Variants in RABGAP1L observed in about 807,000 individuals in gnomAD.
RABGAP1L encodes RAB GTPase activating protein 1 like.
Under a neutral mutation model 137.7 loss-of-function variants are expected in RABGAP1L, and 63 were observed. That is an observed-to-expected ratio of 0.46 (90% CI 0.37 to 0.56). The LOEUF (loss-of-function observed/expected upper bound fraction) is 0.56. Among genes scored for constraint, RABGAP1L ranks in the 20% least tolerant of loss-of-function variants. The pLI is 0.00. For synonymous variants in RABGAP1L, 431 were observed against 433.7 expected, an observed-to-expected ratio of 0.99 and a Z score of 0.08; for missense variants, 1,095 against 1,244.0, an observed-to-expected ratio of 0.88 and a Z score of 1.80.
intron 13 of RABGAP1L, among the ~76,000 whole-genome samples, chr1:174,521,894 C>T (rs1311083537): frequency 3.3e-5 from 5 of 152,050 alleles, no homozygotes; most frequent in Non-Finnish European, 7.4e-5. Flanking sequence ...GCCTGACCAA[C>T]ATAGTGAAAC....
At chr1:174,625,468 C>T (rs1672878633) in intron 13 of RABGAP1L, among the ~76,000 whole-genome samples, 1 of 152,112 alleles carries the variant, frequency 6.6e-6, no homozygotes, top group Non-Finnish European at 1.5e-5. Flanking sequence ...GGGCCTTACT[C>T]TGTTGCCCAG....
At chr1:174,777,431 A>G in intron 18 of RABGAP1L, among the ~76,000 whole-genome samples, 1 of 152,228 alleles carries the variant, frequency 6.6e-6, no homozygotes. Context: ...CCCATAGGAC[A>G]TGCTCAGTTG....
At chr1:174,350,195 C>G (rs1208653982) in intron 11 of RABGAP1L, among the ~76,000 whole-genome samples, 1 of 142,884 alleles carries the variant, frequency 7.0e-6, no homozygotes, top group African/African-American at 2.6e-5. Context: ...GCTGACCCCC[C>G]CCCCACCTCC....
intron 13 of RABGAP1L, among the ~76,000 whole-genome samples, chr1:174,601,260 T>C (rs1258451592): frequency 6.6e-6 from 1 of 152,218 alleles, no homozygotes. Context: ...CCTCCAGGCC[T>C]GTGATGGGAG....
chr1:174,858,614 T>C (rs1297635069), intron 19 of RABGAP1L, among the ~76,000 whole-genome samples: 1 of 152,220 alleles, frequency 6.6e-6, no homozygotes, highest in African/African-American at 2.4e-5. Context: ...TCTTTTCATA[T>C]TTAATTCTAG....
chr1:174,848,484 G>T (rs997409798), intron 19 of RABGAP1L, among the ~76,000 whole-genome samples: 1 of 149,002 alleles, frequency 6.7e-6, no homozygotes, highest in African/African-American at 2.6e-5. Context: ...GGAATACCCT[G>T]CAGTGTGAGG....
chr1:174,667,003 G>T lies in RABGAP1L; in HGVS notation c.1825-16519G>T, dbSNP rs868401640. ...TACAAGGCAAAAAAAAAAAAAAAAA[G>T]TCAAGTATTTTCCATATTTATTTTA... On this transcript the variant is annotated intron_variant, in intron 14 of 25. Coordinates refer to ENST00000681986, the MANE Select transcript of RABGAP1L (RefSeq NM_001366446.1). Among the ~76,000 whole-genome samples, 28 of 131,564 alleles carry T rather than the reference G, an allele frequency of 2.1e-4. 1 individual carries two copies. In the South Asian group the frequency reaches 6.4e-3, roughly 30 times the overall value. 86.3% of individuals were successfully genotyped at this position (131,564 alleles called of 152,430 possible).
chr1:174,979,070 A>G (rs1304760255), intron 23 of RABGAP1L, among the ~76,000 whole-genome samples, 180 bp downstream of exon 23: 1 of 152,162 alleles, frequency 6.6e-6, no homozygotes, highest in African/African-American at 2.4e-5. Flanking sequence ...CGGTAGTCCC[A>G]GCTACCCGGG....
intron 17 of RABGAP1L, among the ~76,000 whole-genome samples, chr1:174,707,218 C>CTGTTTTGTTTTGTTT (rs3084003): frequency 0.025 from 3,795 of 150,474 alleles, 93 homozygotes; most frequent in African/African-American, 0.062. Flanking sequence ...AGGTTTTGTT[C>CTGTTTTGTTTTGTTT]TGTTTTGTTT....
intron 18 of RABGAP1L, among the ~76,000 whole-genome samples, chr1:174,790,795 CG>C (rs1230653853): frequency 2.1e-5 from 3 of 141,308 alleles, no homozygotes; most frequent in Non-Finnish European, 4.6e-5. Flanking sequence ...GGGCAGGGGG[CG>C]GGGGGTATGT....
At chr1:174,369,718 CTTA>C (rs1684945038) in intron 11 of RABGAP1L, among the ~76,000 whole-genome samples, 1 of 152,100 alleles carries the variant, frequency 6.6e-6, no homozygotes, top group Admixed American at 6.5e-5. Context: ...TCATGATGAA[CTTA>C]TTACAAGCTT....
chr1:174,775,137 C>T (rs2148742491), intron 18 of RABGAP1L, among the ~76,000 whole-genome samples: 1 of 152,194 alleles, frequency 6.6e-6, no homozygotes, highest in East Asian at 1.9e-4. Flanking sequence ...GGAGGGAAGG[C>T]AATTTCCTTT....
chr1:174,783,456 C>T (rs918115151), intron 18 of RABGAP1L, among the ~76,000 whole-genome samples: 1 of 152,008 alleles, frequency 6.6e-6, no homozygotes, highest in Non-Finnish European at 1.5e-5. Context: ...CCCCGCCGCC[C>T]GTAACAGTAT....
chr1:174,564,105 A>T (rs1046909446), intron 13 of RABGAP1L, among the ~76,000 whole-genome samples: 1 of 152,178 alleles, frequency 6.6e-6, no homozygotes, highest in African/African-American at 2.4e-5. Context: ...TGCACATTTT[A>T]GTATAATTTT....
At chr1:174,589,597 A>C (rs1209024090) in intron 13 of RABGAP1L, among the ~76,000 whole-genome samples, 1 of 152,168 alleles carries the variant, frequency 6.6e-6, no homozygotes, top group Non-Finnish European at 1.5e-5. Context: ...TTGAGGACTT[A>C]GATTTAAGCC....
chr1:174,837,544 A>G lies in RABGAP1L; in HGVS notation c.2340+25584A>G, dbSNP rs868622242. On this transcript the variant is annotated intron_variant, in intron 19 of 25. Transcript: ENST00000681986. ...ATGCCCCCATGAGAGCTTTAAAGGA[A>G]TACATTCTGGCCCTGTGGAGAATTG... 7.9e-5 allele frequency among the ~76,000 whole-genome samples: 12 copies of G among 152,346 alleles called. 1 individual carries two copies. Among genetic ancestry groups the G allele is most frequent in the Middle Eastern group, 6.8e-3 (2 of 294 alleles).
At chr1:174,263,312 T>G (rs1673759865) in intron 7 of RABGAP1L, among the ~76,000 whole-genome samples, 1 of 152,252 alleles carries the variant, frequency 6.6e-6, no homozygotes, top group Non-Finnish European at 1.5e-5. Flanking sequence ...ATACCACCTT[T>G]GGTGAAAGGA....
intron 18 of RABGAP1L, among the ~76,000 whole-genome samples, chr1:174,799,589 C>T (rs1289283931): frequency 6.6e-6 from 1 of 152,104 alleles, no homozygotes; most frequent in African/African-American, 2.4e-5. Context: ...GTCAGACTAA[C>T]ACTGATTGAA....
intron 7 of RABGAP1L, among the ~76,000 whole-genome samples, chr1:174,259,265 A>G (rs1673377595): frequency 1.3e-5 from 2 of 152,148 alleles, no homozygotes. Context: ...AGCATCTACT[A>G]TAGTGCTTGG....
Sources: allele counts gnomAD v4.1 joint callset (sites outside exome capture counted in the v4.1 genomes callset), GRCh38; gene constraint gnomAD v4.1.1; transcripts MANE v1.5; gene names NCBI Gene and HGNC (gene_info 2026-07-23, HGNC 2026-07-21).